PIK3C2G: variants seen among roughly 807,000 people sequenced by gnomAD.
PIK3C2G encodes phosphatidylinositol 3-kinase C2 domain-containing subunit gamma.
In PIK3C2G, 168 loss-of-function variants were observed where a neutral mutation model predicts 181.1. The observed-to-expected ratio is 0.93, with a 90% CI of 0.82 to 1.05. The LOEUF (loss-of-function observed/expected upper bound fraction) is 1.05. Among genes scored for constraint, PIK3C2G ranks in the 50% least tolerant of loss-of-function variants. PIK3C2G has a pLI of 0.00. For synonymous variants in PIK3C2G, 573 were observed against 592.2 expected (o/e 0.97, Z 0.47); for missense variants, 1,869 against 1,732.8 (o/e 1.08, Z -1.40).
At chr12:18,451,392 T>C (rs1169901161) in intron 18 of PIK3C2G, among the ~76,000 whole-genome samples, 2 of 152,198 alleles carry the variant, frequency 1.3e-5, no homozygotes, top group Admixed American at 1.3e-4. Context: ...ATTATTGCTG[T>C]GTAGGAGTGC....
intron 29 of PIK3C2G, among the ~76,000 whole-genome samples, chr12:18,593,321 T>C (rs1377131419): frequency 6.6e-6 from 1 of 151,976 alleles, no homozygotes. Flanking sequence ...AGACACATTT[T>C]TTTTTCCATT....
At chr12:18,406,368 T>C (rs138323014) in intron 16 of PIK3C2G, among the ~76,000 whole-genome samples, 1 of 152,256 alleles carries the variant, frequency 6.6e-6, no homozygotes, top group East Asian at 1.9e-4. Context: ...TTTGACATAC[T>C]AATTTTAATT....
intron 5 of PIK3C2G, among the ~76,000 whole-genome samples, chr12:18,308,344 G>A (rs1950503750): frequency 1.3e-5 from 2 of 151,844 alleles, no homozygotes; most frequent in South Asian, 4.1e-4. Flanking sequence ...CAAGGACAAT[G>A]TAAAAATAGA....
intron 31 of PIK3C2G, among the ~76,000 whole-genome samples, chr12:18,617,742 T>G (rs1948669873): frequency 6.6e-6 from 1 of 152,162 alleles, no homozygotes. Flanking sequence ...TCTTCTTATG[T>G]ACCCAGGAAA....
chr12:18,249,130 T>C (rs573903465), intron 1 of PIK3C2G, among the ~76,000 whole-genome samples: 1 of 152,278 alleles, frequency 6.6e-6, no homozygotes, highest in South Asian at 2.1e-4. Flanking sequence ...TGCTAGAATA[T>C]CTGTTATACT....
At chr12:18,403,736 T>C (rs1487237405) in intron 16 of PIK3C2G, among the ~76,000 whole-genome samples, 2 of 152,230 alleles carry the variant, frequency 1.3e-5, no homozygotes, top group South Asian at 2.1e-4. Flanking sequence ...AGTGTTAATA[T>C]TTCTACTACT....
At chr12:18,615,367 G>A (rs372236865) in intron 31 of PIK3C2G, among the ~76,000 whole-genome samples, 16,824 of 88,526 alleles carry the variant, frequency 0.19, 1,163 homozygotes, top group East Asian at 0.35. Context: ...GTGTGTGTGT[G>A]TGTATGTGTA....
At chr12:18,584,053 G>T (rs1317321146) in intron 29 of PIK3C2G, among the ~76,000 whole-genome samples, 1 of 150,644 alleles carries the variant, frequency 6.6e-6, no homozygotes, top group Admixed American at 6.6e-5. Context: ...TTTTGAGACA[G>T]AGTCTCGCTC....
intron 31 of PIK3C2G, among the ~76,000 whole-genome samples, chr12:18,637,101 T>C (rs1417367115): frequency 6.6e-6 from 1 of 152,154 alleles, no homozygotes; most frequent in African/African-American, 2.4e-5. Context: ...CAGTGACATT[T>C]TGAGTCTCTT....
intron 26 of PIK3C2G, among the ~76,000 whole-genome samples, chr12:18,552,252 T>A (rs965689767): frequency 6.6e-6 from 1 of 152,176 alleles, no homozygotes; most frequent in African/African-American, 2.4e-5. Flanking sequence ...TCCTCATTTA[T>A]TTCTCACGGC....
chr12:18,592,212 C>A (rs1947118612), intron 29 of PIK3C2G, among the ~76,000 whole-genome samples: 1 of 151,544 alleles, frequency 6.6e-6, no homozygotes, highest in Non-Finnish European at 1.5e-5. Context: ...CACCAAAGAC[C>A]ATAATATTAC....
chr12:18,659,116 C>T, the PIK3C2G span, among the ~76,000 whole-genome samples: 4 of 151,858 alleles, frequency 2.6e-5, no homozygotes, highest in Non-Finnish European at 5.9e-5. Flanking sequence ...TAAAAGTGGG[C>T]CAAGATAGGA....
the PIK3C2G span, chr12:18,705,456 G>T: frequency 9.9e-7 from 1 of 1,006,202 alleles, no homozygotes; most frequent in Non-Finnish European, 1.5e-6. Flanking sequence ...TAAACTGAAA[G>T]TACTTTTGAG....
intron 18 of PIK3C2G, among the ~76,000 whole-genome samples, chr12:18,480,739 C>G (rs1476465038): frequency 1.3e-5 from 2 of 152,040 alleles, no homozygotes; most frequent in African/African-American, 4.8e-5. Flanking sequence ...ATAATTCACC[C>G]CTGAATTTGC....
intron 29 of PIK3C2G, among the ~76,000 whole-genome samples, chr12:18,577,971 C>T (rs1946316005): frequency 1.3e-5 from 2 of 152,170 alleles, no homozygotes; most frequent in South Asian, 4.1e-4. Flanking sequence ...TGATTGCCTA[C>T]ATTTTATACT....
chr12:18,364,288 G>A (rs1332672887), intron 12 of PIK3C2G, among the ~76,000 whole-genome samples: 1 of 152,170 alleles, frequency 6.6e-6, no homozygotes, highest in Non-Finnish European at 1.5e-5. Flanking sequence ...CATGTGTCAG[G>A]AACACAGTAT....
chr12:18,706,052 C>G, the PIK3C2G span, among the ~76,000 whole-genome samples: 1 of 151,846 alleles, frequency 6.6e-6, no homozygotes, highest in Non-Finnish European at 1.5e-5. Context: ...CATGGCGAAA[C>G]CCCATCTCTA....
chr12:18,592,493 G>C (rs1226237752), intron 29 of PIK3C2G, among the ~76,000 whole-genome samples: 1 of 151,888 alleles, frequency 6.6e-6, no homozygotes, highest in Non-Finnish European at 1.5e-5. Context: ...GGGCTTGTTA[G>C]AGAAGATAAT....
intron 26 of PIK3C2G, among the ~76,000 whole-genome samples, chr12:18,561,818 G>T (rs1405190715): frequency 6.6e-6 from 1 of 150,984 alleles, no homozygotes; most frequent in African/African-American, 2.4e-5. Context: ...ACAAATCAAA[G>T]AATGAAAAAT....
Sources: gnomAD v4.1 joint callset for allele counts (sites outside exome capture counted in the v4.1 genomes callset) on GRCh38, gnomAD v4.1.1 for gene constraint, MANE v1.5 for transcripts, NCBI Gene and HGNC (gene_info 2026-07-23, HGNC 2026-07-21) for gene names.